GNB1: variants seen among roughly 807,000 people sequenced by gnomAD.
GNB1 encodes the protein G protein subunit beta 1, also known as guanine nucleotide-binding protein G(I)/G(S)/G(T) subunit beta-1.
Under a neutral mutation model 42.9 loss-of-function variants are expected in GNB1, and 2 were observed. The observed-to-expected ratio is 0.05, with a 90% CI of 0.02 to 0.15. The LOEUF (loss-of-function observed/expected upper bound fraction) is 0.15. GNB1 is among the 10% of genes least tolerant of loss of function. The probability of loss-of-function intolerance (pLI) is 1.00; values close to 1 mark genes in which losing one functional copy is unlikely to be tolerated. For synonymous variants in GNB1, 183 were observed against 174.7 expected (o/e 1.05, Z -0.38); for missense variants, 193 against 462.2 (o/e 0.42, Z 5.34).
intron 1 of GNB1, among the ~76,000 whole-genome samples, chr1:1,890,601 C>T (rs540430520): frequency 6.7e-6 from 1 of 148,678 alleles, no homozygotes; most frequent in African/African-American, 2.4e-5. Context: ...CCTGGGACCC[C>T]GGCTCCTCTC....
At position 1,790,892 on chromosome 1, in the gene GNB1, G is replaced by GCAC. The variant is rs1646472968; in HGVS notation, c.498-299_498-297dup. Among the ~76,000 whole-genome samples the GCAC allele has an allele frequency of 6.6e-6, 1 of 152,146 alleles. No individual in the cohort carries two copies. The highest frequency in any genetic ancestry group is 1.5e-5 in the Non-Finnish European group (1 of 68,036). On this transcript the variant is annotated intron_variant, in intron 8 of 11. Coordinates refer to ENST00000378609, the MANE Select transcript of GNB1 (RefSeq NM_002074.5). The surrounding 1 kb of genome is among the most constrained non-coding windows in gnomAD (Gnocchi z 5.4). Reference sequence around the variant, plus strand: ...GGGAGCTGGGGGCACTTTTCAAGCAGCACCACTGAGGCTGTGCCCCCTCTT... The same window carrying GCAC: ...GGGAGCTGGGGGCACTTTTCAAGCAGCACCACCACTGAGGCTGTGCCCCCTCTT...
At chr1:1,866,046 C>G (rs186642756) in intron 1 of GNB1, among the ~76,000 whole-genome samples, 3 of 152,082 alleles carry the variant, frequency 2.0e-5, no homozygotes, top group African/African-American at 7.2e-5. Flanking sequence ...TCAACTGATT[C>G]TCCTGCCTCA....
intron 5 of GNB1, among the ~76,000 whole-genome samples, chr1:1,813,834 T>C (rs1646814565): frequency 6.6e-6 from 1 of 152,178 alleles, no homozygotes; most frequent in African/African-American, 2.4e-5. Context: ...GACAAGTAAT[T>C]ATATGTATAT....
chr1:1,866,490 C>A (rs979102339), intron 1 of GNB1, among the ~76,000 whole-genome samples: 5 of 152,188 alleles, frequency 3.3e-5, no homozygotes, highest in Admixed American at 2.0e-4. Context: ...TATGCCATTC[C>A]AAGTCTGCCT....
chr1:1,873,594 C>G (rs1649366736), intron 1 of GNB1, among the ~76,000 whole-genome samples: 1 of 152,210 alleles, frequency 6.6e-6, no homozygotes, highest in African/African-American at 2.4e-5. Context: ...TGATGTAAGG[C>G]CATGACAATA....
chr1:1,857,036 T>C (rs1166140676), intron 1 of GNB1, among the ~76,000 whole-genome samples: 1 of 152,200 alleles, frequency 6.6e-6, no homozygotes, highest in Non-Finnish European at 1.5e-5. Flanking sequence ...CACTGTCCAA[T>C]CACCTGTCTC....
At chr1:1,849,214 AG>A (rs532451391) in intron 1 of GNB1, among the ~76,000 whole-genome samples, 30 of 152,272 alleles carry the variant, frequency 2.0e-4, no homozygotes, top group Admixed American at 1.8e-3. Context: ...CCATGGGGAG[AG>A]GGCTTGGAGG....
intron 1 of GNB1, among the ~76,000 whole-genome samples, chr1:1,858,812 C>T (rs1275515584): frequency 1.3e-5 from 2 of 152,136 alleles, no homozygotes; most frequent in African/African-American, 2.4e-5. Flanking sequence ...ACACCCTTCC[C>T]GATGACGTCA....
At chr1:1,802,988 T>A (rs1236249446) in intron 7 of GNB1, among the ~76,000 whole-genome samples, 1 of 152,140 alleles carries the variant, frequency 6.6e-6, no homozygotes, top group African/African-American at 2.4e-5. Context: ...GCATTATCTT[T>A]CAAAGGACAA....
At chr1:1,866,339 A>G (rs917780727) in intron 1 of GNB1, among the ~76,000 whole-genome samples, 2 of 152,262 alleles carry the variant, frequency 1.3e-5, no homozygotes, top group Non-Finnish European at 1.5e-5. Flanking sequence ...ACATATGTGC[A>G]TAATTTTTCA....
At chr1:1,851,764 C>T (rs901044020) in intron 1 of GNB1, among the ~76,000 whole-genome samples, 3 of 152,134 alleles carry the variant, frequency 2.0e-5, no homozygotes, top group African/African-American at 7.2e-5. Flanking sequence ...AGGCATTCGG[C>T]CGGGCACAGC....
Position 1,786,225 on chromosome 1 carries a change from T to TG in GNB1, c.*837_*838insC. Reference sequence around the variant, plus strand: ...TGGGGGTGGGGTAGTGTTAGGCTATTATAAACTTCCCTCCAACTTCACAAG... The same window carrying TG: ...TGGGGGTGGGGTAGTGTTAGGCTATTGATAAACTTCCCTCCAACTTCACAAG... On this transcript the variant is annotated 3_prime_UTR_variant, in exon 12 of 12. Coordinates refer to ENST00000378609, the MANE Select transcript of GNB1 (RefSeq NM_002074.5). The TG allele has an allele frequency of 2.5e-6, 1 of 396,350 alleles. No homozygotes were observed. Among genetic ancestry groups the TG allele is most frequent in the Non-Finnish European group, 4.4e-6 (1 of 224,940 alleles). 24.6% of individuals were successfully genotyped at this position (396,350 alleles called of 1,614,324 possible).
rs1650475397 is a variant in GNB1, at chr1:1,890,931, C to A, written c.-207G>T. 7.5e-5 allele frequency: 11 copies of A among 147,178 alleles called. No homozygotes were observed. In the South Asian group the frequency reaches 2.0e-3, roughly 26 times the overall value. 9.1% of individuals were successfully genotyped at this position (147,178 alleles called of 1,614,324 possible). ...GCTCCGCGGGCGCTGCGGGCAGGTG[C>A]GCGCCGGCGAGGCTCGGTCCAGTCC... On this transcript the variant is annotated 5_prime_UTR_variant, in exon 1 of 12. Coordinates refer to ENST00000378609, the MANE Select transcript of GNB1 (RefSeq NM_002074.5).
At position 1,839,212 on chromosome 1, in the gene GNB1, T is replaced by G. The variant is rs567229728; in HGVS notation, c.-69A>C. 21 of 152,334 alleles carry G rather than the reference T, an allele frequency of 1.4e-4. No homozygotes were observed. The East Asian group carries it at 3.9e-3, about 28-fold the overall frequency. The allele number at this position is 152,334 out of a possible 1,614,324, so 9.4% of individuals were successfully genotyped here. On this transcript the variant is annotated 5_prime_UTR_variant, in exon 2 of 12. Transcript: ENST00000378609. ...TACCTTAATTCAGAAGGGCTTCTGG[T>G]CTGGTCTCCAATACATGTAAATTTG...
chr1:1,842,434 C>CAAA (rs758786067), intron 1 of GNB1, among the ~76,000 whole-genome samples: 3 of 91,306 alleles, frequency 3.3e-5, no homozygotes, highest in Admixed American at 1.2e-4. Context: ...GACTCCATCT[C>CAAA]AAAAAAAAAA....
intron 1 of GNB1, among the ~76,000 whole-genome samples, chr1:1,858,919 C>T (rs1216186521): frequency 2.0e-5 from 3 of 152,048 alleles, no homozygotes; most frequent in Admixed American, 1.3e-4. Flanking sequence ...TGGGGTGGGA[C>T]GGAGTCCAAT....
At chr1:1,807,712 TC>T (rs1271222500) in intron 5 of GNB1, among the ~76,000 whole-genome samples, 1 of 151,254 alleles carries the variant, frequency 6.6e-6, no homozygotes, top group African/African-American at 2.4e-5. Flanking sequence ...TTTCTTTTTT[TC>T]TTTTTTTTTT....
At chr1:1,799,803 G>C (rs1451801355) in intron 7 of GNB1, among the ~76,000 whole-genome samples, 1 of 152,162 alleles carries the variant, frequency 6.6e-6, no homozygotes, top group East Asian at 1.9e-4. Flanking sequence ...TCACACACAA[G>C]ACCTGTGGCC....
chr1:1,818,808 A>G (rs529041404), intron 3 of GNB1, among the ~76,000 whole-genome samples: 71 of 152,336 alleles, frequency 4.7e-4, no homozygotes, highest in African/African-American at 1.7e-3. Flanking sequence ...GGTTGCAGGG[A>G]GCCGAGACTG....
Sources: gnomAD v4.1 joint callset for allele counts (sites outside exome capture counted in the v4.1 genomes callset) on GRCh38, gnomAD v4.1.1 for gene constraint, Gnocchi (gnomAD v3.1) non-coding constraint, MANE v1.5 for transcripts, NCBI Gene and HGNC (gene_info 2026-07-23, HGNC 2026-07-21) for gene names.